LTBP1: variants seen among roughly 807,000 people sequenced by gnomAD.
LTBP1 encodes the protein latent transforming growth factor beta binding protein 1.
In LTBP1, 129 loss-of-function variants were observed where a neutral mutation model predicts 207.6. The observed-to-expected ratio is 0.62, with a 90% CI of 0.54 to 0.72. The LOEUF (loss-of-function observed/expected upper bound fraction) is 0.72. Ranked by LOEUF, LTBP1 falls within the 30% of genes least tolerant of loss-of-function variation. The pLI, the probability that LTBP1 is intolerant of heterozygous loss-of-function variation, is 0.00. For synonymous variants in LTBP1, 963 were observed against 833.7 expected (o/e 1.16, Z -2.67); for missense variants, 2,281 against 2,217.2 (o/e 1.03, Z -0.58).
intron 3 of LTBP1, among the ~76,000 whole-genome samples, chr2:33,068,761 T>G (rs917814030): frequency 1.3e-5 from 2 of 152,238 alleles, no homozygotes; most frequent in Admixed American, 1.3e-4. Context: ...GAGGCTTATA[T>G]ACAAATAATT....
intron 13 of LTBP1, 27 bp from the exon 14 acceptor site, chr2:33,262,695 A>G (rs780505992): frequency 5.9e-6 from 7 of 1,185,888 alleles, no homozygotes; most frequent in Admixed American, 2.2e-5. Flanking sequence ...TTTTTTTCTT[A>G]TTCTCTTTTA....
chr2:33,052,468 A>G (rs1380531036), intron 3 of LTBP1, among the ~76,000 whole-genome samples: 1 of 152,268 alleles, frequency 6.6e-6, no homozygotes, highest in Non-Finnish European at 1.5e-5. Flanking sequence ...GAACGCTAAG[A>G]GAAATGGATT....
At chr2:33,104,165 G>A (rs114705449) in intron 3 of LTBP1, among the ~76,000 whole-genome samples, 221 of 152,200 alleles carry the variant, frequency 1.5e-3, no homozygotes, top group African/African-American at 5.0e-3. Context: ...CTGTCTGTGC[G>A]CCAAAAATTG....
At chr2:33,170,960 A>G (rs1228545537) in intron 5 of LTBP1, among the ~76,000 whole-genome samples, 2 of 152,178 alleles carry the variant, frequency 1.3e-5, no homozygotes, top group African/African-American at 2.4e-5. Flanking sequence ...CCTGTCTGCT[A>G]CAAGGAAAAC....
At chr2:33,200,593 A>T (rs1408357660) in intron 7 of LTBP1, among the ~76,000 whole-genome samples, 1 of 152,240 alleles carries the variant, frequency 6.6e-6, no homozygotes, top group Non-Finnish European at 1.5e-5. Context: ...AAAACACCAA[A>T]AGCAATGGCA....
intron 9 of LTBP1, among the ~76,000 whole-genome samples, chr2:33,225,574 A>G (rs2091386479): frequency 1.3e-5 from 2 of 152,196 alleles, no homozygotes; most frequent in Admixed American, 1.3e-4. Flanking sequence ...CACTACCACA[A>G]GAACAGCAAG....
chr2:33,371,145 A>G (rs2150202778), intron 31 of LTBP1, among the ~76,000 whole-genome samples: 1 of 152,296 alleles, frequency 6.6e-6, no homozygotes, highest in South Asian at 2.1e-4. Flanking sequence ...GAATTCATAC[A>G]TTTCTGGGGC....
At chr2:33,003,161 C>T (rs960109613) in intron 2 of LTBP1, among the ~76,000 whole-genome samples, 1 of 152,098 alleles carries the variant, frequency 6.6e-6, no homozygotes, top group African/African-American at 2.4e-5. Flanking sequence ...GCTTGAATGA[C>T]GACATGTGCT....
intron 3 of LTBP1, among the ~76,000 whole-genome samples, chr2:33,089,379 A>G (rs2078951077): frequency 6.6e-6 from 1 of 152,192 alleles, no homozygotes; most frequent in African/African-American, 2.4e-5. Flanking sequence ...AGTCAGCGAT[A>G]CTTGAGTAGG....
At chr2:33,037,966 G>T (rs1452605474) in intron 3 of LTBP1, among the ~76,000 whole-genome samples, 1 of 152,118 alleles carries the variant, frequency 6.6e-6, no homozygotes, top group Non-Finnish European at 1.5e-5. Context: ...CAGTCCCCCT[G>T]CCTTGGCCTC....
At chr2:33,154,689 A>C (rs981214201) in intron 5 of LTBP1, among the ~76,000 whole-genome samples, 2 of 152,196 alleles carry the variant, frequency 1.3e-5, no homozygotes, top group Non-Finnish European at 2.9e-5. Flanking sequence ...TCTAGGATAA[A>C]TTCTTAGAAA....
chr2:33,277,760 CCT>C (rs1340563317), intron 18 of LTBP1, among the ~76,000 whole-genome samples: 10 of 95,470 alleles, frequency 1.0e-4, no homozygotes, highest in Non-Finnish European at 1.8e-4. Flanking sequence ...TTTTTTTTTC[CCT>C]TTCTTTCTTT....
chr2:33,004,923 A>G (rs1686609319), intron 2 of LTBP1, among the ~76,000 whole-genome samples: 2 of 151,674 alleles, frequency 1.3e-5, no homozygotes, highest in South Asian at 2.1e-4. Flanking sequence ...CTGGCTTTGC[A>G]TTTGTATTTG....
chr2:33,177,769 T>G (rs1310585869), intron 5 of LTBP1, among the ~76,000 whole-genome samples: 2 of 152,148 alleles, frequency 1.3e-5, no homozygotes, highest in East Asian at 1.9e-4. Context: ...GCTACTAAAA[T>G]CAATCATTAA....
At chr2:33,278,916 A>T (rs543512538) in intron 18 of LTBP1, among the ~76,000 whole-genome samples, 12 of 152,346 alleles carry the variant, frequency 7.9e-5, no homozygotes, top group African/African-American at 2.9e-4. Context: ...TGTTAATATC[A>T]TCTTTAACTT....
chr2:32,967,222 C>T (rs1400722962), intron 2 of LTBP1, among the ~76,000 whole-genome samples: 2 of 151,750 alleles, frequency 1.3e-5, no homozygotes, highest in South Asian at 2.1e-4. Flanking sequence ...CTTAGTTAGC[C>T]TGGTTAGAGG....
intron 18 of LTBP1, among the ~76,000 whole-genome samples, 166 bp downstream of exon 18, chr2:33,276,089 T>C (rs933275928): frequency 6.6e-6 from 1 of 150,562 alleles, no homozygotes; most frequent in Admixed American, 6.5e-5. Flanking sequence ...TTTCACTGGC[T>C]CTTTTGGGAT....
chr2:33,398,081 G>A (rs2095375920), intron 33 of LTBP1, among the ~76,000 whole-genome samples: 1 of 152,164 alleles, frequency 6.6e-6, no homozygotes, highest in African/African-American at 2.4e-5. Context: ...GAATTTGGAA[G>A]TAATATAGTT....
rs377341226 is a variant in LTBP1, at chr2:33,137,053, T to C, written c.1201+2093T>C. Among the ~76,000 whole-genome samples the C allele has an allele frequency of 4.6e-5, 7 of 152,328 alleles. No individual in the cohort carries two copies. The East Asian group carries it at 1.4e-3, about 29-fold the overall frequency. ...CCTGTTTAACGTTTTATTTCAAATATTGGATAGTTTGAGGGACAATTTTTA... is the reference window on the plus strand; with the variant it reads ...CCTGTTTAACGTTTTATTTCAAATACTGGATAGTTTGAGGGACAATTTTTA... On this transcript the variant is annotated intron_variant, in intron 5 of 33. Transcript: ENST00000404816.
Sources: allele counts gnomAD v4.1 joint callset (sites outside exome capture counted in the v4.1 genomes callset), GRCh38; gene constraint gnomAD v4.1.1; transcripts MANE v1.5; gene names NCBI Gene and HGNC (gene_info 2026-07-23, HGNC 2026-07-21).